ADGRB3: variants seen among roughly 807,000 people sequenced by gnomAD.
The protein encoded by ADGRB3 is adhesion G protein-coupled receptor B3.
In ADGRB3, 37 loss-of-function variants were observed where a neutral mutation model predicts 193.4. That is an observed-to-expected ratio of 0.19 (90% CI 0.15 to 0.25). ADGRB3 has a LOEUF of 0.25. Among genes scored for constraint, ADGRB3 ranks in the 10% least tolerant of loss-of-function variants. ADGRB3 has a pLI of 1.00. For synonymous variants in ADGRB3, 690 were observed against 644.2 expected (o/e 1.07, Z -1.08); for missense variants, 1,637 against 1,852.9 (o/e 0.88, Z 2.14).
intron 20 of ADGRB3, among the ~76,000 whole-genome samples, chr6:69,318,670 T>C (rs1246933344): frequency 1.3e-5 from 2 of 151,256 alleles, no homozygotes; most frequent in Admixed American, 6.6e-5. Flanking sequence ...TGTTGGTGTA[T>C]GGAAAATGAT....
intron 20 of ADGRB3, among the ~76,000 whole-genome samples, chr6:69,258,030 C>T (rs1196122386): frequency 6.6e-6 from 1 of 152,108 alleles, no homozygotes; most frequent in Non-Finnish European, 1.5e-5. Flanking sequence ...TGTTAAGCTT[C>T]CAGACCCCAT....
At chr6:69,124,445 T>C (rs147021139) in intron 17 of ADGRB3, among the ~76,000 whole-genome samples, 1 of 152,320 alleles carries the variant, frequency 6.6e-6, no homozygotes, top group East Asian at 1.9e-4. Flanking sequence ...CTTAATTTGC[T>C]CTGTGACCTT....
rs1009421796 is a variant in ADGRB3, at chr6:68,958,355, A to T, written c.1525+1546A>T. 2.0e-5 allele frequency among the ~76,000 whole-genome samples: 3 copies of T among 152,228 alleles called. No homozygotes were observed. The South Asian group carries it at 6.2e-4, about 32-fold the overall frequency. ...CCAGTGCTGCGTAAGAAGAATTAAG[A>T]TGTATTAAACAAAAACATTTATTTT... On this transcript the variant is annotated intron_variant, in intron 8 of 31. Coordinates refer to ENST00000370598, the MANE Select transcript of ADGRB3 (RefSeq NM_001704.3).
At chr6:68,668,862 G>A (rs555617397) in intron 3 of ADGRB3, among the ~76,000 whole-genome samples, 24 of 151,946 alleles carry the variant, frequency 1.6e-4, no homozygotes, top group African/African-American at 5.3e-4. Flanking sequence ...TTCTGGAAGA[G>A]ACTTCTCCGG....
intron 3 of ADGRB3, among the ~76,000 whole-genome samples, chr6:68,772,932 T>C (rs7763495): frequency 0.11 from 5,340 of 47,842 alleles, 693 homozygotes; most frequent in African/African-American, 0.3. Flanking sequence ...TATATATATA[T>C]ACATACACAC....
In ADGRB3 at chr6:68,955,979, C is replaced by A. The variant is rs374565920; in HGVS notation, c.1196-45C>A. 9.4e-6 allele frequency: 15 copies of A among 1,591,910 alleles called. No individual in the cohort carries two copies. The South Asian group carries it at 1.7e-4, about 18-fold the overall frequency. ...CCAGGTACTTTCTGTACAGCTTGTCCTATTGGAAGATATCCTCATGCTGTC... is the reference window on the plus strand; with the variant it reads ...CCAGGTACTTTCTGTACAGCTTGTCATATTGGAAGATATCCTCATGCTGTC... On this transcript the variant is annotated intron_variant, in intron 6 of 31. Transcript: ENST00000370598.
chr6:68,705,404 T>A (rs1475558474), intron 3 of ADGRB3, among the ~76,000 whole-genome samples: 3 of 152,248 alleles, frequency 2.0e-5, no homozygotes, highest in African/African-American at 4.8e-5. Context: ...GTCATTGTAA[T>A]GTAAATCAGC....
chr6:69,372,678 T>C (rs1418963148), intron 30 of ADGRB3, among the ~76,000 whole-genome samples: 15 of 152,078 alleles, frequency 9.9e-5, no homozygotes, highest in African/African-American at 3.4e-4. Flanking sequence ...ATTTGTTTTA[T>C]ACATACTACG....
chr6:69,350,217 C>T (rs1267256233), intron 26 of ADGRB3, among the ~76,000 whole-genome samples: 2 of 151,992 alleles, frequency 1.3e-5, no homozygotes, highest in Non-Finnish European at 2.9e-5. Context: ...TTTGGAAGTG[C>T]ATGGTTAGAT....
At chr6:68,770,465 A>G (rs903082744) in intron 3 of ADGRB3, among the ~76,000 whole-genome samples, 2 of 152,080 alleles carry the variant, frequency 1.3e-5, no homozygotes, top group Non-Finnish European at 2.9e-5. Flanking sequence ...TTTGATCCAC[A>G]CTACTGACAC....
intron 3 of ADGRB3, among the ~76,000 whole-genome samples, chr6:68,644,404 GA>G (rs932876274): frequency 6.6e-6 from 1 of 151,538 alleles, no homozygotes; most frequent in African/African-American, 2.4e-5. Flanking sequence ...TGCCCATCTA[GA>G]AAAAAAATGG....
In ADGRB3 at chr6:68,862,341, G is replaced by A. The variant is rs192029793; in HGVS notation, c.758-68218G>A. ...TGGGGAGATGTCTCTCACTCACATT[G>A]GTATCTGCAATCTATCTGACCTACA... On this transcript the variant is annotated intron_variant, in intron 3 of 31. Coordinates refer to ENST00000370598, the MANE Select transcript of ADGRB3 (RefSeq NM_001704.3). 2.0e-5 allele frequency among the ~76,000 whole-genome samples: 3 copies of A among 151,918 alleles called. No homozygotes were observed. In the East Asian group the frequency reaches 5.8e-4, roughly 30 times the overall value.
intron 26 of ADGRB3, among the ~76,000 whole-genome samples, chr6:69,347,813 A>G (rs761084320): frequency 6.6e-6 from 1 of 152,140 alleles, no homozygotes; most frequent in Non-Finnish European, 1.5e-5. Flanking sequence ...AGAATGCAGT[A>G]CCTTGAAATG....
At chr6:68,971,621 A>G (rs999513458) in intron 8 of ADGRB3, among the ~76,000 whole-genome samples, 7 of 152,222 alleles carry the variant, frequency 4.6e-5, no homozygotes, top group African/African-American at 7.2e-5. Flanking sequence ...TGGTATCTGC[A>G]GGAGATCCTG....
intron 3 of ADGRB3, among the ~76,000 whole-genome samples, chr6:68,920,512 C>CAAAAA (rs5877180): frequency 1.0e-4 from 7 of 68,884 alleles, no homozygotes; most frequent in African/African-American, 1.8e-4. Context: ...GACTCTGTAT[C>CAAAAA]AAAAAAAAAA....
At chr6:69,364,983 A>G (rs560826494) in intron 29 of ADGRB3, among the ~76,000 whole-genome samples, 114 of 152,126 alleles carry the variant, frequency 7.5e-4, no homozygotes, top group Non-Finnish European at 1.0e-3. Context: ...GAAAAATTAT[A>G]GTTGTAACAT....
At chr6:69,107,468 T>C (rs1773247001) in intron 17 of ADGRB3, among the ~76,000 whole-genome samples, 1 of 152,228 alleles carries the variant, frequency 6.6e-6, no homozygotes. Context: ...AGTTTTGCTT[T>C]TTATATTCCT....
intron 3 of ADGRB3, among the ~76,000 whole-genome samples, chr6:68,742,750 T>C (rs1341890588): frequency 6.6e-6 from 1 of 152,124 alleles, no homozygotes; most frequent in Non-Finnish European, 1.5e-5. Flanking sequence ...AATAATGTGA[T>C]AATAAAGTAG....
At chr6:68,923,464 C>T (rs1400663526) in intron 3 of ADGRB3, among the ~76,000 whole-genome samples, 1 of 151,852 alleles carries the variant, frequency 6.6e-6, no homozygotes, top group Non-Finnish European at 1.5e-5. Context: ...TTTTTTTGGT[C>T]AAGCAACCAT....
Sources: gnomAD v4.1 joint callset for allele counts (sites outside exome capture counted in the v4.1 genomes callset) on GRCh38, gnomAD v4.1.1 for gene constraint, MANE v1.5 for transcripts, NCBI Gene and HGNC (gene_info 2026-07-23, HGNC 2026-07-21) for gene names.